ZNF804B: variants seen among roughly 807,000 people sequenced by gnomAD.
ZNF804B encodes zinc finger 804B.
A neutral mutation model predicts 101.4 loss-of-function variants in ZNF804B; 80 were observed. The ratio of observed to expected loss-of-function variants is 0.79; its 90% CI spans 0.66 to 0.95. The LOEUF is 0.95. ZNF804B is among the 40% of genes least tolerant of loss of function. ZNF804B has a pLI of 0.00. For synonymous variants in ZNF804B, 622 were observed against 558.8 expected (o/e 1.11, Z -1.59); for missense variants, 1,673 against 1,561.9 (o/e 1.07, Z -1.20).
At chr7:89,223,811 CTATA>C (rs543105033) in intron 2 of ZNF804B, among the ~76,000 whole-genome samples, 157 of 151,964 alleles carry the variant, frequency 1.0e-3, no homozygotes, top group African/African-American at 3.7e-3. Flanking sequence ...ACAAGCCACT[CTATA>C]TATAGCTCAC....
rs1788189156 is a variant in ZNF804B at position 88,995,935 on chromosome 7, A to G, written c.109-222220A>G. On this transcript the variant is annotated intron_variant, in intron 1 of 3. Transcript: ENST00000333190. ...ATGACATTCTGCAAAATACCTGACC[A>G]ATACTCAAAGCTGTGAAGGTCATTA... Among the ~76,000 whole-genome samples, 3 of 152,024 alleles carry G rather than the reference A, an allele frequency of 2.0e-5. No individual in the cohort carries two copies. In the South Asian group the frequency reaches 6.2e-4, roughly 31 times the overall value.
Position 89,336,688 on chromosome 7 carries a change from C to T in ZNF804B, c.3706C>T (p.His1236Tyr), listed in dbSNP as rs778770306. 7 of 1,614,114 alleles carry T rather than the reference C, an allele frequency of 4.3e-6. No individual in the cohort carries two copies. The Admixed American group carries it at 8.3e-5, about 19-fold the overall frequency. ...HSSHLPIAHL[H>Y]PLSQAHFSPI... ...CAGTCACCTCCCTATTGCTCATCTA[C>T]ATCCTCTTTCACAGGCACATTTCAG... Residue 1236 changes from histidine to tyrosine, a missense_variant, in exon 4 of 4, where the codon CAT (histidine) becomes TAT (tyrosine). His to Tyr is a moderately conservative substitution (Grantham distance 83). Coordinates refer to ENST00000333190, the MANE Select transcript of ZNF804B (RefSeq NM_181646.5).
intron 1 of ZNF804B, among the ~76,000 whole-genome samples, chr7:88,930,658 G>C (rs1206256892): frequency 6.6e-6 from 1 of 151,860 alleles, no homozygotes; most frequent in Admixed American, 6.6e-5. Context: ...TGTGGTAGTT[G>C]ATAAGAAAGA....
chr7:88,809,301 TGTC>T lies in ZNF804B; in HGVS notation c.108+49218_108+49220del, dbSNP rs1790740029. 6.0e-5 allele frequency among the ~76,000 whole-genome samples: 9 copies of T among 150,202 alleles called. No individual in the cohort carries two copies. The South Asian group carries it at 1.9e-3, about 32-fold the overall frequency. ...TATGTATACAGAATCTATTATTGCT[TGTC>T]ATCTATCTATCTATCTATCTATCTA... is the stretch of plus-strand genomic sequence containing the variant. On this transcript the variant is annotated intron_variant, in intron 1 of 3. Coordinates refer to ENST00000333190, the MANE Select transcript of ZNF804B (RefSeq NM_181646.5).
chr7:88,815,695 C>T (rs1486983962), intron 1 of ZNF804B, among the ~76,000 whole-genome samples: 1 of 152,082 alleles, frequency 6.6e-6, no homozygotes, highest in Non-Finnish European at 1.5e-5. Flanking sequence ...CTGGATAACA[C>T]TTTCTCAGCC....
At chr7:89,120,042 A>G (rs1221276046) in intron 1 of ZNF804B, among the ~76,000 whole-genome samples, 1 of 152,094 alleles carries the variant, frequency 6.6e-6, no homozygotes, top group Non-Finnish European at 1.5e-5. Context: ...AGAAGCACAG[A>G]AGAGATCTCA....
At chr7:89,164,272 C>T (rs1201570922) in intron 1 of ZNF804B, among the ~76,000 whole-genome samples, 1 of 151,922 alleles carries the variant, frequency 6.6e-6, no homozygotes, top group Non-Finnish European at 1.5e-5. Context: ...CCTATGTGTC[C>T]AGGACAGTAA....
At chr7:88,938,672 A>G (rs1482130816) in intron 1 of ZNF804B, among the ~76,000 whole-genome samples, 1 of 152,076 alleles carries the variant, frequency 6.6e-6, no homozygotes, top group Non-Finnish European at 1.5e-5. Flanking sequence ...AAAATGAATG[A>G]TGGTTAGAGC....
At chr7:89,003,189 T>C (rs1214691157) in intron 1 of ZNF804B, among the ~76,000 whole-genome samples, 1 of 151,940 alleles carries the variant, frequency 6.6e-6, no homozygotes, top group Non-Finnish European at 1.5e-5. Context: ...CGTGATTTTG[T>C]GTGATTTATT....
At chr7:89,004,086 C>T (rs1314526755) in intron 1 of ZNF804B, among the ~76,000 whole-genome samples, 1 of 144,542 alleles carries the variant, frequency 6.9e-6, no homozygotes, top group Non-Finnish European at 1.5e-5. Context: ...GAAATTACAG[C>T]AGGTCAGATT....
chr7:89,153,577 CACT>C (rs1422487678), intron 1 of ZNF804B, among the ~76,000 whole-genome samples: 4 of 151,888 alleles, frequency 2.6e-5, no homozygotes, highest in African/African-American at 4.8e-5. Flanking sequence ...TAAGGTTTTT[CACT>C]ACTAGCAATA....
intron 1 of ZNF804B, among the ~76,000 whole-genome samples, chr7:89,064,316 A>C (rs950667268): frequency 6.6e-6 from 1 of 152,158 alleles, no homozygotes; most frequent in Admixed American, 6.6e-5. Flanking sequence ...ATAGCTGACT[A>C]TCCACTGACA....
intron 1 of ZNF804B, among the ~76,000 whole-genome samples, chr7:88,831,905 T>C (rs968310357): frequency 1.3e-5 from 2 of 151,978 alleles, no homozygotes; most frequent in Non-Finnish European, 2.9e-5. Flanking sequence ...GTTTCTGCTC[T>C]TTTTGTTCTA....
intron 1 of ZNF804B, among the ~76,000 whole-genome samples, chr7:88,933,613 G>GA (rs1265458033): frequency 1.9e-4 from 29 of 151,996 alleles, no homozygotes; most frequent in African/African-American, 6.5e-4. Flanking sequence ...CAACGTACGT[G>GA]AATCAGTAGC....
chr7:89,016,702 T>A (rs988824903), intron 1 of ZNF804B, among the ~76,000 whole-genome samples: 10 of 152,180 alleles, frequency 6.6e-5, no homozygotes, highest in African/African-American at 2.2e-4. Flanking sequence ...TTTATATGTC[T>A]GTTTTGGTAC....
At chr7:89,078,213 G>T (rs377732355) in intron 1 of ZNF804B, among the ~76,000 whole-genome samples, 3 of 152,016 alleles carry the variant, frequency 2.0e-5, no homozygotes, top group Non-Finnish European at 4.4e-5. Context: ...TTTCAGACTT[G>T]CTCAGTAATT....
chr7:89,127,949 A>G (rs1450932991), intron 1 of ZNF804B, among the ~76,000 whole-genome samples: 4 of 151,724 alleles, frequency 2.6e-5, no homozygotes, highest in African/African-American at 7.2e-5. Context: ...ACCATTTTTG[A>G]TCAGTTTTAC....
Position 89,334,275 on chromosome 7 carries a change from A to G in ZNF804B, c.1293A>G (p.Ala431=). The stretch of plus-strand genomic sequence containing the variant: ...ATGTTCAAAGACTTGTAAAAGAAGC[A>G]TGTACCCATAATGTGGCATCTAAAC... ...SKNVQRLVKE[A]CTHNVASKPL... is the part of the protein sequence containing the mutation. Residue 431 remains alanine (A), a synonymous_variant, in exon 4 of 4, where the codon GCA becomes GCG. Transcript: ENST00000333190. The G allele has an allele frequency of 2.5e-6, 4 of 1,613,842 alleles. No homozygotes were observed. The highest frequency in any genetic ancestry group is 1.7e-4 in the Middle Eastern group (1 of 6,060).
intron 1 of ZNF804B, among the ~76,000 whole-genome samples, chr7:88,854,414 C>CCTTCCTTTCTTTCTTCCTTCCTTT (rs1232481883): frequency 5.3e-5 from 3 of 57,114 alleles, no homozygotes; most frequent in South Asian, 1.5e-3. Flanking sequence ...TTTCTTTCTT[C>CCTTCCTTTCTTTCTTCCTTCCTTT]CTTTCTTTCT....
Sources: allele counts gnomAD v4.1 joint callset (sites outside exome capture counted in the v4.1 genomes callset), GRCh38; gene constraint gnomAD v4.1.1; transcripts MANE v1.5; gene names NCBI Gene and HGNC (gene_info 2026-07-23, HGNC 2026-07-21).